Variants in METTL17 observed in about 807,000 individuals in gnomAD.
METTL17 encodes the protein ribosome assembly protein METTL17, mitochondrial.
METTL17 carries 49 observed loss-of-function variants against 59.4 expected under a neutral mutation model. That is an observed-to-expected ratio of 0.82 (90% CI 0.66 to 1.05). METTL17 has a LOEUF of 1.05. Among genes scored for constraint, METTL17 ranks in the 50% least tolerant of loss-of-function variants. The probability of loss-of-function intolerance (pLI) is 0.00; values close to 1 mark genes in which losing one functional copy is unlikely to be tolerated. For synonymous variants in METTL17, 208 were observed against 209.2 expected (o/e 0.99, Z 0.05); for missense variants, 555 against 578.4 (o/e 0.96, Z 0.41).
chr14:20,993,156 G>T lies in METTL17; in HGVS notation c.567G>T (p.Leu189Phe). Reference sequence around the variant, plus strand: ...ATCCAGCATTTCAGCCACAAACTTTGATGGACTTTGGCTCAGGTACTGGTT... The same window carrying T: ...ATCCAGCATTTCAGCCACAAACTTTTATGGACTTTGGCTCAGGTACTGGTT... ...ARNPAFQPQT[L>F]MDFGSGTGSV... The change falls in exon 6 of 14, where the codon TTG becomes TTT. Residue 189 changes from leucine (L) to phenylalanine (F), a missense_variant. By Grantham distance (22) the Leu-to-Phe change is conservative. Coordinates refer to ENST00000339374, the MANE Select transcript of METTL17 (RefSeq NM_022734.3). The T allele has an allele frequency of 6.2e-7, 1 of 1,614,116 alleles. No homozygotes were observed. The highest frequency in any genetic ancestry group is 8.5e-7 in the Non-Finnish European group (1 of 1,180,030).
At chr14:20,992,476 C>A in intron 4 of METTL17, 65 bp from the exon 5 acceptor site, 3 of 1,315,128 alleles carry the variant, frequency 2.3e-6, no homozygotes, top group Middle Eastern at 1.8e-4. Context: ...TTTTCTAAAT[C>A]TAGAAGGTAA....
chr14:20,994,438 A>T lies in METTL17; in HGVS notation c.698-105A>T, dbSNP rs567576649. On this transcript the variant is annotated intron_variant, in intron 7 of 13. Transcript: ENST00000339374. ...ACCTGGCTCATCCCTGCCCTTTTTG[A>T]TATACACTTTACCTATTCTTGGGGC... 3 of 973,184 alleles carry T rather than the reference A, an allele frequency of 3.1e-6. No individual in the cohort carries two copies. The South Asian group carries it at 4.1e-5, about 13-fold the overall frequency. 60.3% of individuals were successfully genotyped at this position (973,184 alleles called of 1,614,324 possible). A position where few individuals can be genotyped will look rare whatever the true frequency, so the allele number is the denominator to read the frequency against.
chr14:20,992,438 A>G, intron 4 of METTL17, 103 bp from the exon 5 acceptor site: 1 of 979,638 alleles, frequency 1.0e-6, no homozygotes. Context: ...GAAAGGCCTG[A>G]GCTGGAAGAG....
chr14:20,996,594 A>G lies in METTL17; in HGVS notation c.1148A>G (p.His383Arg), dbSNP rs778926586. Reference sequence around the variant, plus strand: ...GCTCGGGGGTCTCCAGAGGAGGCTCATCGCTGGCCCCGTATCACTCAGCCT... The same window carrying G: ...GCTCGGGGGTCTCCAGAGGAGGCTCGTCGCTGGCCCCGTATCACTCAGCCT... ...ILARGSPEEA[H>R]RWPRITQPVL... Residue 383 changes from histidine to arginine, a missense_variant, in exon 13 of 14, where the codon CAT becomes CGT. Coordinates refer to ENST00000339374, the MANE Select transcript of METTL17 (RefSeq NM_022734.3). 2 of 1,614,250 alleles carry G rather than the reference A, an allele frequency of 1.2e-6. No individual in the cohort carries two copies. The highest frequency in any genetic ancestry group is 2.7e-5 in the African/African-American group (2 of 75,074).
Position 20,991,381 on chromosome 14 carries a change from A to C in METTL17, c.365-743A>C, listed in dbSNP as rs9672112. On this transcript the variant is annotated intron_variant, in intron 3 of 13. Coordinates refer to ENST00000339374, the MANE Select transcript of METTL17 (RefSeq NM_022734.3). ...TACCTGGCTCACAGTAGTTCAGTAG[A>C]TACTTGCTAAATAGTACTGAACTGA... Among the ~76,000 whole-genome samples, 1,163 of 152,298 alleles carry C rather than the reference A, an allele frequency of 7.6e-3. 12 individuals carry two copies. The highest frequency in any genetic ancestry group is 0.058 in the Middle Eastern group (17 of 294).
In METTL17 at chr14:20,996,230, C is replaced by G; in HGVS notation, c.1018C>G (p.Pro340Ala). Reference protein sequence around the residue: ...FAPCPHELPCPQLTNLACSFS... With the variant: ...FAPCPHELPCAQLTNLACSFS... ...ACAGTGTCCCCATGAACTCCCTTGT[C>G]CCCAGTTGACCAACCTGGCCTGTAG... Residue 340 changes from proline to alanine, a missense_variant, in exon 12 of 14, where the codon CCC becomes GCC. By Grantham distance (27) the Pro-to-Ala change is conservative. Transcript: ENST00000339374. The G allele has an allele frequency of 6.2e-7, 1 of 1,614,096 alleles. No individual in the cohort carries two copies. The highest frequency in any genetic ancestry group is 8.5e-7 in the Non-Finnish European group (1 of 1,180,004).
chr14:20,996,334 G>GAAGC (rs1411066926), intron 12 of METTL17, 42 bp downstream of exon 12: 2 of 1,580,532 alleles, frequency 1.3e-6, no homozygotes, highest in South Asian at 2.2e-5. Flanking sequence ...AAACATCCTG[G>GAAGC]AAAAACAGGA....
At chr14:20,994,996 T>C in intron 9 of METTL17, 95 bp downstream of exon 9, 2 of 1,212,858 alleles carry the variant, frequency 1.6e-6, no homozygotes, top group Non-Finnish European at 1.2e-6. Flanking sequence ...TCACCATTTT[T>C]CTCCTTCATG....
chr14:20,992,650 A>C, intron 5 of METTL17, 28 bp downstream of exon 5: 1 of 1,554,046 alleles, frequency 6.4e-7, no homozygotes, highest in East Asian at 2.2e-5. Flanking sequence ...TCCAACCTGA[A>C]CTTTTTGACC....
Position 20,995,384 on chromosome 14 carries a change from A to T in METTL17, c.945+151A>T, listed in dbSNP as rs1352649725. The T allele has an allele frequency of 8.7e-6, 6 of 691,762 alleles. No individual in the cohort carries two copies. In the African/African-American group the frequency reaches 1.1e-4, roughly 12 times the overall value. The allele number at this position is 691,762 out of a possible 1,614,324, so 42.9% of individuals were successfully genotyped here. A position where few individuals can be genotyped will look rare whatever the true frequency, so the allele number is the denominator to read the frequency against. Reference sequence around the variant, plus strand: ...TTATGATACAGAGCAGTGGTTGGCAAATGAGAGCCTGTGGATCAAATCCGA... The same window carrying T: ...TTATGATACAGAGCAGTGGTTGGCATATGAGAGCCTGTGGATCAAATCCGA... On this transcript the variant is annotated intron_variant, in intron 10 of 13. Coordinates refer to ENST00000339374, the MANE Select transcript of METTL17 (RefSeq NM_022734.3).
intron 9 of METTL17, 45 bp from the exon 10 acceptor site, chr14:20,995,120 T>G (rs529927656): frequency 6.4e-7 from 1 of 1,551,152 alleles, no homozygotes; most frequent in African/African-American, 1.4e-5. Flanking sequence ...ATTTATACTT[T>G]CGTGTAATTC....
chr14:20,995,759 C>T (rs539782062), intron 10 of METTL17, 142 bp from the exon 11 acceptor site: 1 of 656,206 alleles, frequency 1.5e-6, no homozygotes. Context: ...ATTAAAGATG[C>T]AGCCAGCTTA....
At chr14:20,992,016 C>A in intron 3 of METTL17, 108 bp from the exon 4 acceptor site, 1 of 1,006,220 alleles carries the variant, frequency 9.9e-7, no homozygotes, top group Non-Finnish European at 1.5e-6. Flanking sequence ...AGCTTTAAGG[C>A]TTTTCTTAGG....
chr14:20,993,353 T>C, intron 6 of METTL17, 162 bp downstream of exon 6: 1 of 590,806 alleles, frequency 1.7e-6, no homozygotes, highest in Non-Finnish European at 3.0e-6. Flanking sequence ...AGAAGGTATA[T>C]GGATTGGGGC....
At chr14:20,994,768 G>T (rs2138739847) in intron 8 of METTL17, 26 bp from the exon 9 acceptor site, 1 of 1,588,454 alleles carries the variant, frequency 6.3e-7, no homozygotes, top group East Asian at 2.2e-5. Context: ...TGTTGAGTCT[G>T]TCATGTTCCT....
At chr14:20,993,245 A>T in intron 6 of METTL17, 54 bp downstream of exon 6, 3 of 1,391,552 alleles carry the variant, frequency 2.2e-6, no homozygotes, top group Non-Finnish European at 3.1e-6. Flanking sequence ...AGAAAGCCAT[A>T]CTTACACCAC....
intron 9 of METTL17, 76 bp downstream of exon 9, chr14:20,994,977 C>CTT: frequency 7.0e-6 from 9 of 1,278,010 alleles, no homozygotes; most frequent in Non-Finnish European, 1.0e-5. Flanking sequence ...CTCTCATTGT[C>CTT]TTTATTCTTC....
chr14:20,992,428 GA>G, intron 4 of METTL17, 112 bp from the exon 5 acceptor site: 1 of 913,078 alleles, frequency 1.1e-6, no homozygotes, highest in Non-Finnish European at 1.7e-6. Context: ...ATTGGGGAGT[GA>G]AAGGCCTGAG....
At chr14:20,993,883 G>T in intron 6 of METTL17, 86 bp from the exon 7 acceptor site, 1 of 809,752 alleles carries the variant, frequency 1.2e-6, no homozygotes, top group Non-Finnish European at 2.1e-6. Context: ...CTTTTCCCAG[G>T]GGTGGGGTTG....
Sources: gnomAD v4.1 joint callset for allele counts (sites outside exome capture counted in the v4.1 genomes callset) on GRCh38, gnomAD v4.1.1 for gene constraint, MANE v1.5 for transcripts, NCBI Gene and HGNC (gene_info 2026-07-23, HGNC 2026-07-21) for gene names.